ATAD3B: variants seen among roughly 807,000 people sequenced by gnomAD.
The protein encoded by ATAD3B is ATPase family AAA domain-containing protein 3B.
A neutral mutation model predicts 70.2 loss-of-function variants in ATAD3B; 59 were observed. The observed-to-expected ratio is 0.84, with a 90% CI of 0.68 to 1.04. The LOEUF is 1.04. Among genes scored for constraint, ATAD3B ranks in the 50% least tolerant of loss-of-function variants. The pLI is 0.00. For synonymous variants in ATAD3B, 423 were observed against 388.6 expected (o/e 1.09, Z -1.04); for missense variants, 961 against 913.4 (o/e 1.05, Z -0.67).
chr1:1,481,003 C>T lies in ATAD3B; in HGVS notation c.514+67C>T, dbSNP rs370275383. 1.3e-3 allele frequency: 2,062 copies of T among 1,569,230 alleles called. 220 individuals are homozygous for T. The African/African-American group carries it at 0.029, about 22-fold the overall frequency. On this transcript the variant is annotated intron_variant, in intron 5 of 15. Coordinates refer to ENST00000673477, the MANE Select transcript of ATAD3B (RefSeq NM_031921.6). Reference sequence around the variant, plus strand: ...GCTGCTTGTGGATCCGGCGTGCACTCTGAGCCTGAGTTCTGCCGCCCGGCC... The same window carrying T: ...GCTGCTTGTGGATCCGGCGTGCACTTTGAGCCTGAGTTCTGCCGCCCGGCC...
intron 4 of ATAD3B, among the ~76,000 whole-genome samples, chr1:1,480,276 C>T (rs1214458445): frequency 7.0e-6 from 1 of 143,778 alleles, no homozygotes; most frequent in East Asian, 2.1e-4. Flanking sequence ...TGCACACCCC[C>T]ACACACAGAC....
the ATAD3B span, among the ~76,000 whole-genome samples, chr1:1,508,289 G>A: frequency 1.3e-5 from 2 of 151,418 alleles, no homozygotes; most frequent in Admixed American, 1.3e-4. Context: ...AGTGGCTCTT[G>A]GCGAGGGATG....
chr1:1,500,730 G>A (rs1326115838), downstream of ATAD3B, among the ~76,000 whole-genome samples: 32 of 151,256 alleles, frequency 2.1e-4, no homozygotes, highest in Non-Finnish European at 3.5e-4. Context: ...GAGGCGGGCG[G>A]ATCACGAGGT....
intron 13 of ATAD3B, chr1:1,490,051 G>A: frequency 7.1e-7 from 1 of 1,406,528 alleles, no homozygotes. Flanking sequence ...GGCCCGAGAA[G>A]CCGGGCGGGG....
chr1:1,505,573 C>T, the ATAD3B span, among the ~76,000 whole-genome samples: 4 of 152,160 alleles, frequency 2.6e-5, no homozygotes, highest in East Asian at 1.9e-4. Flanking sequence ...TTGACACTGA[C>T]GCTACCGCTA....
chr1:1,496,388 C>A lies in ATAD3B; in HGVS notation c.*571C>A. The stretch of plus-strand genomic sequence containing the variant: ...GTTGGGGTCTGAATGCTGCCCGGGA[C>A]TGCCGCCTGCGCCCCACCAGCCCCT... On this transcript the variant is annotated 3_prime_UTR_variant, in exon 16 of 16. Coordinates refer to ENST00000673477, the MANE Select transcript of ATAD3B (RefSeq NM_031921.6). 1 of 369,110 alleles carries A rather than the reference C, an allele frequency of 2.7e-6. No individual in the cohort carries two copies. Among genetic ancestry groups the A allele is most frequent in the Non-Finnish European group, 3.8e-6 (1 of 266,426 alleles). The allele number at this position is 369,110 out of a possible 1,614,324, so 22.9% of individuals were successfully genotyped here.
At chr1:1,472,630 C>T (rs1036111178) in intron 1 of ATAD3B, among the ~76,000 whole-genome samples, 1 of 152,050 alleles carries the variant, frequency 6.6e-6, no homozygotes, top group Non-Finnish European at 1.5e-5. Flanking sequence ...CTTGAGTAAA[C>T]CCCTGACCCA....
intron 12 of ATAD3B, among the ~76,000 whole-genome samples, 198 bp downstream of exon 12, chr1:1,488,112 A>T (rs1212390018): frequency 2.0e-5 from 3 of 151,698 alleles, no homozygotes; most frequent in African/African-American, 7.3e-5. Context: ...TTGCCACCAC[A>T]CCTAGTTAAG....
chr1:1,491,474 T>A (rs1640537516), intron 15 of ATAD3B, among the ~76,000 whole-genome samples: 1 of 151,880 alleles, frequency 6.6e-6, no homozygotes, highest in South Asian at 2.1e-4. Flanking sequence ...GAGGTTGCAA[T>A]GAGCCAAGAT....
Position 1,486,540 on chromosome 1 carries a change from C to T in ATAD3B, c.1090-4C>T, listed in dbSNP as rs1162118323. The T allele has an allele frequency of 6.2e-7, 1 of 1,611,906 alleles. No individual in the cohort carries two copies. Among genetic ancestry groups the T allele is most frequent in the African/African-American group, 1.4e-5 (1 of 73,812 alleles). On this transcript the variant is annotated splice_polypyrimidine_tract_variant and splice_region_variant and intron_variant, in intron 10 of 15. Coordinates refer to ENST00000673477, the MANE Select transcript of ATAD3B (RefSeq NM_031921.6). ...TTCTGTCTCCCCTCACTCTTCTTGTCCAGAAACTCGCCCTGCACTCAGGCA... is the reference window on the plus strand; with the variant it reads ...TTCTGTCTCCCCTCACTCTTCTTGTTCAGAAACTCGCCCTGCACTCAGGCA...
chr1:1,474,315 C>G (rs971858245), intron 1 of ATAD3B, among the ~76,000 whole-genome samples: 3 of 151,356 alleles, frequency 2.0e-5, no homozygotes, highest in Non-Finnish European at 4.4e-5. Flanking sequence ...CTCAGCCTCC[C>G]GAGTAGCTGG....
At chr1:1,478,177 A>C (rs1314105973) in intron 2 of ATAD3B, 2 of 270,708 alleles carry the variant, frequency 7.4e-6, no homozygotes, top group East Asian at 8.2e-5. Context: ...TTGTATTTTT[A>C]GTAGAGAAGG....
At chr1:1,475,453 C>T (rs1557791139) in intron 1 of ATAD3B, among the ~76,000 whole-genome samples, 1 of 151,382 alleles carries the variant, frequency 6.6e-6, no homozygotes, top group East Asian at 1.9e-4. Context: ...TTCCTGGCAG[C>T]GGGGTCGCCG....
chr1:1,488,685 G>A (rs1340987121), intron 12 of ATAD3B, among the ~76,000 whole-genome samples: 1 of 151,968 alleles, frequency 6.6e-6, no homozygotes. Context: ...CTTGAACCCA[G>A]GAGGCAGAGG....
At chr1:1,485,975 G>C in intron 9 of ATAD3B, 135 bp from the exon 10 acceptor site, 1 of 1,589,822 alleles carries the variant, frequency 6.3e-7, no homozygotes, top group South Asian at 1.1e-5. Context: ...GACTGTGCCG[G>C]GGATAGATAG....
At chr1:1,482,064 G>A (rs1639937521) in intron 5 of ATAD3B, 74 bp from the exon 6 acceptor site, 1 of 1,548,478 alleles carries the variant, frequency 6.5e-7, no homozygotes, top group Non-Finnish European at 8.7e-7. Context: ...CGTGGCGTGG[G>A]CCGGTCCACA....
chr1:1,472,891 T>C lies in ATAD3B; in HGVS notation c.205+802T>C, dbSNP rs1292711802. 2.0e-5 allele frequency among the ~76,000 whole-genome samples: 3 copies of C among 151,918 alleles called. 1 individual carries two copies. Among genetic ancestry groups the C allele is most frequent in the Non-Finnish European group, 4.4e-5 (3 of 67,960 alleles). ...CCCTGTCGCCGAGGCTGGAGTGCAGTGGTGCGATTTCGGCTCCCTGCAACC... is the reference window on the plus strand; with the variant it reads ...CCCTGTCGCCGAGGCTGGAGTGCAGCGGTGCGATTTCGGCTCCCTGCAACC... On this transcript the variant is annotated intron_variant, in intron 1 of 15. Transcript: ENST00000673477.
At chr1:1,483,337 T>TG in intron 7 of ATAD3B, 1 of 257,510 alleles carries the variant, frequency 3.9e-6, no homozygotes, top group Non-Finnish European at 7.7e-6. Flanking sequence ...CAAGGTGGCG[T>TG]GCGCCTGGAA....
chr1:1,504,176 C>A, the ATAD3B span, among the ~76,000 whole-genome samples: 63 of 151,580 alleles, frequency 4.2e-4, 1 homozygote, highest in African/African-American at 1.5e-3. Flanking sequence ...TTAGTAGAGA[C>A]GGGTTCACCA....
Sources: allele counts gnomAD v4.1 joint callset (sites outside exome capture counted in the v4.1 genomes callset), GRCh38; gene constraint gnomAD v4.1.1; transcripts MANE v1.5; gene names NCBI Gene and HGNC (gene_info 2026-07-23, HGNC 2026-07-21).